KIAA1958: variants seen among roughly 807,000 people sequenced by gnomAD.
KIAA1958 encodes uncharacterized protein KIAA1958.
In KIAA1958, 14 loss-of-function variants were observed where a neutral mutation model predicts 47.2. The ratio of observed to expected loss-of-function variants is 0.30; its 90% CI spans 0.20 to 0.46. KIAA1958 has a LOEUF of 0.46. KIAA1958 is among the 20% of genes least tolerant of loss of function. KIAA1958 has a pLI of 1.00. For synonymous variants in KIAA1958, 354 were observed against 353.3 expected (o/e 1.00, Z -0.02); for missense variants, 803 against 909.2 (o/e 0.88, Z 1.50).
At chr9:112,652,963 G>A (rs753407840) in intron 3 of KIAA1958, among the ~76,000 whole-genome samples, 2 of 152,122 alleles carry the variant, frequency 1.3e-5, no homozygotes, top group African/African-American at 2.4e-5. Flanking sequence ...CGGGACTTCT[G>A]GTATGTGTTA....
At chr9:112,503,925 TTATATA>T (rs5900006) in intron 1 of KIAA1958, among the ~76,000 whole-genome samples, 2 of 147,380 alleles carry the variant, frequency 1.4e-5, no homozygotes, top group Admixed American at 6.8e-5. Context: ...GGGTTATAAA[TTATATA>T]TATATATATA....
chr9:112,645,590 T>C (rs1836961471), intron 2 of KIAA1958, 60 bp from the exon 3 acceptor site: 2 of 1,135,682 alleles, frequency 1.8e-6, no homozygotes, highest in Non-Finnish European at 2.5e-6. Context: ...TCCCAAGATG[T>C]AATTCTCTAA....
intron 1 of KIAA1958, among the ~76,000 whole-genome samples, chr9:112,491,235 G>A (rs1470144246): frequency 6.6e-6 from 1 of 152,178 alleles, no homozygotes; most frequent in Non-Finnish European, 1.5e-5. Flanking sequence ...CAAAGTGCTA[G>A]GATTATAGGT....
At chr9:112,578,540 A>C (rs545155227) in intron 2 of KIAA1958, among the ~76,000 whole-genome samples, 1 of 152,216 alleles carries the variant, frequency 6.6e-6, no homozygotes, top group Non-Finnish European at 1.5e-5. Context: ...GCCAGAAACA[A>C]AGAGAAATTG....
At chr9:112,495,362 A>G (rs150579413) in intron 1 of KIAA1958, among the ~76,000 whole-genome samples, 81 of 152,284 alleles carry the variant, frequency 5.3e-4, no homozygotes, top group African/African-American at 1.9e-3. Flanking sequence ...TGGAGATGGA[A>G]ATTGATAAAT....
intron 1 of KIAA1958, among the ~76,000 whole-genome samples, chr9:112,546,855 C>T (rs1010489345): frequency 6.6e-6 from 1 of 152,086 alleles, no homozygotes; most frequent in Admixed American, 6.6e-5. Flanking sequence ...CTCCTTGACT[C>T]GTTGGGAACT....
chr9:112,597,060 TTTG>T (rs1362847278), intron 2 of KIAA1958, among the ~76,000 whole-genome samples: 1 of 152,164 alleles, frequency 6.6e-6, no homozygotes, highest in Non-Finnish European at 1.5e-5. Flanking sequence ...TTTGTTAGAG[TTTG>T]TTCTCAGTCA....
At chr9:112,498,785 A>C (rs1422597510) in intron 1 of KIAA1958, among the ~76,000 whole-genome samples, 2 of 152,146 alleles carry the variant, frequency 1.3e-5, no homozygotes, top group Non-Finnish European at 2.9e-5. Flanking sequence ...TTTTGAAAAT[A>C]TGCAATAAAT....
chr9:112,657,420 T>TC (rs1400595333), intron 3 of KIAA1958, among the ~76,000 whole-genome samples: 1 of 152,212 alleles, frequency 6.6e-6, no homozygotes, highest in Non-Finnish European at 1.5e-5. Flanking sequence ...TTTAGTTTAC[T>TC]TTTTCTAGCT....
intron 2 of KIAA1958, among the ~76,000 whole-genome samples, chr9:112,613,316 T>C (rs113873951): frequency 6.6e-6 from 1 of 152,142 alleles, no homozygotes; most frequent in Non-Finnish European, 1.5e-5. Flanking sequence ...TTTTGGTAAA[T>C]GGCAGATCAA....
intron 2 of KIAA1958, among the ~76,000 whole-genome samples, chr9:112,635,222 G>T (rs1012200572): frequency 3.8e-5 from 4 of 105,722 alleles, no homozygotes; most frequent in Non-Finnish European, 7.9e-5. Context: ...TTTTGTGTGT[G>T]TGTGTGTGTG....
At chr9:112,628,417 T>C (rs1434734751) in intron 2 of KIAA1958, among the ~76,000 whole-genome samples, 1 of 152,214 alleles carries the variant, frequency 6.6e-6, no homozygotes, top group African/African-American at 2.4e-5. Context: ...GCCTCTTCTC[T>C]AGAATATGCT....
At chr9:112,501,751 A>G (rs1046366301) in intron 1 of KIAA1958, among the ~76,000 whole-genome samples, 11 of 152,180 alleles carry the variant, frequency 7.2e-5, no homozygotes, top group Admixed American at 4.6e-4. Context: ...GCTCCCATCT[A>G]TGACTTCTAA....
intron 2 of KIAA1958, among the ~76,000 whole-genome samples, chr9:112,621,753 T>C (rs1194712336): frequency 1.3e-5 from 2 of 152,198 alleles, no homozygotes; most frequent in African/African-American, 4.8e-5. Context: ...TTTGTTTGTT[T>C]GTTTGTTTGA....
chr9:112,607,881 G>A lies in KIAA1958; in HGVS notation c.1171+32630G>A, dbSNP rs12336007. 9.5e-3 allele frequency among the ~76,000 whole-genome samples: 1,441 copies of A among 152,270 alleles called. 16 individuals are homozygous for A. The highest frequency in any genetic ancestry group is 0.028 in the African/African-American group (1,165 of 41,558). On this transcript the variant is annotated intron_variant, in intron 2 of 3. Coordinates refer to ENST00000337530, the MANE Select transcript of KIAA1958 (RefSeq NM_133465.4). Reference sequence around the variant, plus strand: ...AACAATGCCACTAATGTTCGGGCTTGGGGGAGAATGAGTATGAGTGGAGAA... The same window carrying A: ...AACAATGCCACTAATGTTCGGGCTTAGGGGAGAATGAGTATGAGTGGAGAA...
chr9:112,652,120 C>A (rs1837063942), intron 3 of KIAA1958, among the ~76,000 whole-genome samples: 1 of 152,114 alleles, frequency 6.6e-6, no homozygotes, highest in African/African-American at 2.4e-5. Flanking sequence ...CCTGCCTTGG[C>A]CTCGCAAAGT....
At chr9:112,614,571 T>A (rs1260039938) in intron 2 of KIAA1958, among the ~76,000 whole-genome samples, 1 of 152,228 alleles carries the variant, frequency 6.6e-6, no homozygotes, top group African/African-American at 2.4e-5. Context: ...TACTTGACTT[T>A]AAAACTATTT....
At chr9:112,654,320 A>G (rs987056698) in intron 3 of KIAA1958, among the ~76,000 whole-genome samples, 2 of 152,210 alleles carry the variant, frequency 1.3e-5, no homozygotes, top group African/African-American at 4.8e-5. Flanking sequence ...TGCAGAAACC[A>G]TCACATTAGG....
chr9:112,518,432 A>G (rs187146208), intron 1 of KIAA1958, among the ~76,000 whole-genome samples: 3 of 152,346 alleles, frequency 2.0e-5, no homozygotes, highest in Non-Finnish European at 4.4e-5. Flanking sequence ...TAATCTCAAA[A>G]TACTTATGTT....
Sources: allele counts gnomAD v4.1 joint callset (sites outside exome capture counted in the v4.1 genomes callset), GRCh38; gene constraint gnomAD v4.1.1; transcripts MANE v1.5; gene names NCBI Gene and HGNC (gene_info 2026-07-23, HGNC 2026-07-21).